Variants in SLMAP observed in about 807,000 individuals in gnomAD.
The protein encoded by SLMAP is sarcolemma associated protein.
Under a neutral mutation model 128.8 loss-of-function variants are expected in SLMAP, and 44 were observed. The ratio of observed to expected loss-of-function variants is 0.34; its 90% CI spans 0.27 to 0.44. SLMAP has a LOEUF of 0.44. Among genes scored for constraint, SLMAP ranks in the 20% least tolerant of loss-of-function variants. SLMAP has a pLI of 1.00. For missense variants in SLMAP, 787 were observed against 985.3 expected, an observed-to-expected ratio of 0.80 and a Z score of 2.69; for synonymous variants, 327 against 348.8, an observed-to-expected ratio of 0.94 and a Z score of 0.70.
At chr3:57,913,003 C>G (rs1341259629) in intron 20 of SLMAP, among the ~76,000 whole-genome samples, 155 bp from the exon 21 acceptor site, 1 of 152,074 alleles carries the variant, frequency 6.6e-6, no homozygotes, top group Non-Finnish European at 1.5e-5. Context: ...GGTATACATG[C>G]AAAGTAACAG....
At chr3:57,889,443 G>A (rs1007098898) in intron 14 of SLMAP, among the ~76,000 whole-genome samples, 2 of 152,090 alleles carry the variant, frequency 1.3e-5, no homozygotes, top group African/African-American at 4.8e-5. Flanking sequence ...TAAATAAGGG[G>A]ACACAGAATA....
chr3:57,892,831 CTTTTT>C (rs34608762), intron 15 of SLMAP, among the ~76,000 whole-genome samples: 2 of 85,612 alleles, frequency 2.3e-5, no homozygotes, highest in South Asian at 4.1e-4. Context: ...AACTTGCTTT[CTTTTT>C]TTTTTTTTTT....
intron 21 of SLMAP, among the ~76,000 whole-genome samples, chr3:57,915,753 T>C (rs17058658): frequency 0.018 from 2,771 of 152,328 alleles, 74 homozygotes; most frequent in African/African-American, 0.063. Context: ...ACCTTTTATT[T>C]TCTGTTGTCT....
chr3:57,792,770 A>G (rs934746761), intron 2 of SLMAP, among the ~76,000 whole-genome samples: 2 of 152,176 alleles, frequency 1.3e-5, no homozygotes, highest in Admixed American at 1.3e-4. Flanking sequence ...CAAGCAAGTT[A>G]TGTGGGCTTT....
At chr3:57,771,907 C>T (rs190255866) in intron 2 of SLMAP, among the ~76,000 whole-genome samples, 56 of 152,202 alleles carry the variant, frequency 3.7e-4, no homozygotes, top group Admixed American at 5.9e-4. Flanking sequence ...ACTTAAGATC[C>T]GCCTTACTTG....
At chr3:57,813,384 C>G (rs1385562920) in intron 2 of SLMAP, among the ~76,000 whole-genome samples, 2 of 152,112 alleles carry the variant, frequency 1.3e-5, no homozygotes, top group Non-Finnish European at 1.5e-5. Context: ...GCCACCATAC[C>G]CTGCTGGGTA....
chr3:57,793,789 G>A (rs532286895), intron 2 of SLMAP, among the ~76,000 whole-genome samples: 4 of 152,036 alleles, frequency 2.6e-5, no homozygotes, highest in Admixed American at 2.0e-4. Context: ...AGCTGGTGCG[G>A]TGACTCATGC....
Position 57,917,008 on chromosome 3 carries a change from T to C in SLMAP, c.2241T>C (p.Leu747=), listed in dbSNP as rs764765206. 4.3e-6 allele frequency: 7 copies of C among 1,613,924 alleles called. No individual in the cohort carries two copies. The South Asian group carries it at 7.7e-5, about 18-fold the overall frequency. The part of the protein sequence containing the change: ...NQVGSLKEQH[L]RDSADLKTLL... ...TGGGATCCTTGAAAGAACAGCATCT[T>C]CGGGATTCAGCTGATTTAAAAACTC... Residue 747 remains leucine (L), a synonymous_variant, in exon 22 of 25, where the codon CTT becomes CTC. Transcript: ENST00000671191.
chr3:57,866,017 C>T (rs190604055), intron 13 of SLMAP, among the ~76,000 whole-genome samples: 4 of 152,344 alleles, frequency 2.6e-5, no homozygotes, highest in African/African-American at 9.6e-5. Context: ...AGAAATTAAA[C>T]TCTTTTCTGT....
At chr3:57,877,866 G>C (rs1431772532) in intron 14 of SLMAP, among the ~76,000 whole-genome samples, 3 of 118,804 alleles carry the variant, frequency 2.5e-5, no homozygotes, top group Non-Finnish European at 3.3e-5. Context: ...ACAGAGTCTC[G>C]CTCCGTTGCC....
intron 4 of SLMAP, among the ~76,000 whole-genome samples, chr3:57,843,741 T>C (rs2153567879): frequency 6.6e-6 from 1 of 150,546 alleles, no homozygotes; most frequent in African/African-American, 2.4e-5. Context: ...TTTCTTTCTT[T>C]CTCTCCCTTT....
rs376161524 is a variant in SLMAP at position 57,849,109 on chromosome 3, G to A, written c.457-645G>A. ...ACCATGTTGGCCAGGCTGGTCTCTCGAACTCCTGGCCTCAGGTGATCCATC... is the reference window on the plus strand; with the variant it reads ...ACCATGTTGGCCAGGCTGGTCTCTCAAACTCCTGGCCTCAGGTGATCCATC... On this transcript the variant is annotated intron_variant, in intron 5 of 24. Coordinates refer to ENST00000671191, the MANE Select transcript of SLMAP (RefSeq NM_001377540.1). Among the ~76,000 whole-genome samples, 38 of 151,800 alleles carry A rather than the reference G, an allele frequency of 2.5e-4. No individual in the cohort carries two copies. In the East Asian group the frequency reaches 4.9e-3, roughly 19 times the overall value.
chr3:57,824,009 T>TA (rs965715961), intron 2 of SLMAP, among the ~76,000 whole-genome samples: 2 of 151,982 alleles, frequency 1.3e-5, no homozygotes, highest in Non-Finnish European at 2.9e-5. Context: ...TTGGCTGCAT[T>TA]AAAAAAAACT....
Position 57,927,358 on chromosome 3 carries a change from C to T in SLMAP, c.*69C>T, listed in dbSNP as rs768374166. The T allele has an allele frequency of 4.9e-5, 78 of 1,598,298 alleles. No homozygotes were observed. Among genetic ancestry groups the T allele is most frequent in the Non-Finnish European group, 5.7e-5 (67 of 1,168,578 alleles). ...TTGCAGTAACAGCCATCGTGCTGTA[C>T]GTGCCAGGTCTGGCCAGAGCTTCTC... On this transcript the variant is annotated 3_prime_UTR_variant, in exon 25 of 25. Coordinates refer to ENST00000671191, the MANE Select transcript of SLMAP (RefSeq NM_001377540.1).
chr3:57,834,002 C>T (rs2093491942), intron 3 of SLMAP, among the ~76,000 whole-genome samples: 1 of 151,914 alleles, frequency 6.6e-6, no homozygotes, highest in Admixed American at 6.6e-5. Context: ...GGAGAATGCT[C>T]CTGAAATTAT....
intron 14 of SLMAP, among the ~76,000 whole-genome samples, chr3:57,880,332 G>A (rs973454685): frequency 6.6e-6 from 1 of 151,998 alleles, no homozygotes; most frequent in Non-Finnish European, 1.5e-5. Context: ...CTCCTGAGTA[G>A]CTGGGATTAC....
chr3:57,764,775 T>TTA (rs2079347848), intron 2 of SLMAP, among the ~76,000 whole-genome samples: 1 of 152,194 alleles, frequency 6.6e-6, no homozygotes, highest in African/African-American at 2.4e-5. Context: ...AATGGTAGAA[T>TTA]TGAGATTTAA....
At chr3:57,888,939 CA>C (rs1174627049) in intron 14 of SLMAP, among the ~76,000 whole-genome samples, 5 of 151,568 alleles carry the variant, frequency 3.3e-5, no homozygotes, top group Non-Finnish European at 7.4e-5. Context: ...CTCTGTCATA[CA>C]GTGGCGCCAT....
intron 3 of SLMAP, among the ~76,000 whole-genome samples, chr3:57,833,659 C>T (rs1207370070): frequency 7.9e-5 from 12 of 152,078 alleles, no homozygotes; most frequent in Non-Finnish European, 1.6e-4. Flanking sequence ...ACCTCGTGAT[C>T]TGCCCATCTC....
Sources: allele counts gnomAD v4.1 joint callset (sites outside exome capture counted in the v4.1 genomes callset), GRCh38; gene constraint gnomAD v4.1.1; transcripts MANE v1.5; gene names NCBI Gene and HGNC (gene_info 2026-07-23, HGNC 2026-07-21).